The following H6PD variants were observed in gnomAD, a reference collection of about 807,000 sequenced individuals.
The protein encoded by H6PD is GDH/6PGL endoplasmic bifunctional protein.
A neutral mutation model predicts 61.2 loss-of-function variants in H6PD; 48 were observed. The observed-to-expected ratio is 0.78, with a 90% confidence interval of 0.62 to 1.00. The LOEUF is 1.00. H6PD is among the 50% of genes least tolerant of loss of function. The probability of loss-of-function intolerance (pLI) is 0.00; values close to 1 mark genes in which losing one functional copy is unlikely to be tolerated. For missense variants in H6PD, 1,093 were observed against 1,065.0 expected (o/e 1.03, Z -0.37); for synonymous variants, 480 against 457.9 (o/e 1.05, Z -0.62).
Position 9,245,710 on chromosome 1 carries a change from G to T in H6PD, c.627+149G>T. ...GTCTCCTTGAAGGTGGGCAGGAGGC[G>T]AGCGGGTAAAGGAAAGACAGCAGCA... On this transcript the variant is annotated intron_variant, in intron 2 of 4. Coordinates refer to ENST00000377403, the MANE Select transcript of H6PD (RefSeq NM_004285.4). This position sits in a 1 kb window ranked among gnomAD's most constrained non-coding sequence, Gnocchi z 4.8. 1 of 803,604 alleles carries T rather than the reference G, an allele frequency of 1.2e-6. No individual in the cohort carries two copies. Among genetic ancestry groups the T allele is most frequent in the Non-Finnish European group, 2.1e-6 (1 of 475,686 alleles). The allele number at this position is 803,604 out of a possible 1,614,324, so 49.8% of individuals were successfully genotyped here.
intron 1 of H6PD, among the ~76,000 whole-genome samples, chr1:9,240,335 TTC>T (rs1323051971): frequency 1.3e-5 from 2 of 152,190 alleles, no homozygotes. Flanking sequence ...CATATTTTAG[TTC>T]TCTGTTTCCC....
chr1:9,238,647 C>T (rs1376146412), intron 1 of H6PD, among the ~76,000 whole-genome samples: 3 of 152,196 alleles, frequency 2.0e-5, no homozygotes. Context: ...ACATTGGAAG[C>T]AGATTGGGAG....
At chr1:9,240,463 C>T (rs951984273) in intron 1 of H6PD, among the ~76,000 whole-genome samples, 1 of 152,116 alleles carries the variant, frequency 6.6e-6, no homozygotes, top group South Asian at 2.1e-4. Context: ...GACTTAGGGA[C>T]ACTAAAAGAT....
Position 9,263,988 on chromosome 1 carries a change from C to A in H6PD, c.1495C>A (p.Arg499Ser). The A allele has an allele frequency of 6.2e-7, 1 of 1,614,238 alleles. No homozygotes were observed. The highest frequency in any genetic ancestry group is 8.5e-7 in the Non-Finnish European group (1 of 1,180,042). ...GGAGAGCCTGGCCCATAAGGCCCCA[C>A]GCCTCTACCCTGGAGGAGCTGAGAA... ...LLESLAHKAP[R>S]LYPGGAENGR... Residue 499 changes from arginine (R) to serine (S), a missense_variant, in exon 5 of 5, where the codon CGC becomes AGC. Physicochemically the swap from Arg to Ser is moderately radical, Grantham distance 110 (BLOSUM62 -1). Transcript: ENST00000377403.
intron 3 of H6PD, among the ~76,000 whole-genome samples, chr1:9,257,997 G>A (rs897393062): frequency 1.4e-4 from 21 of 152,384 alleles, no homozygotes; most frequent in African/African-American, 2.4e-4. Context: ...GGAGTGGAGC[G>A]GAGCTCGTGG....
chr1:9,237,998 A>T (rs1640898358), intron 1 of H6PD, among the ~76,000 whole-genome samples: 1 of 152,216 alleles, frequency 6.6e-6, no homozygotes, highest in Admixed American at 6.5e-5. Context: ...GGCAAAATGA[A>T]TGTAATTATC....
chr1:9,247,197 C>A, intron 3 of H6PD, 114 bp downstream of exon 3: 3 of 785,934 alleles, frequency 3.8e-6, no homozygotes, highest in Non-Finnish European at 4.5e-6. Flanking sequence ...GGTCTCCCTT[C>A]GAGCCTGCCG....
rs149317949 is a variant in H6PD at position 9,247,881 on chromosome 1, G to A, written c.745+798G>A. 7.5e-3 allele frequency among the ~76,000 whole-genome samples: 1,139 copies of A among 152,354 alleles called. 12 individuals carry two copies. Among genetic ancestry groups the A allele is most frequent in the African/African-American group, 0.026 (1,076 of 41,586 alleles). Reference sequence around the variant, plus strand: ...GTAGCAAAGTTTTGGAGCATTGACCGTGAAGATGTAAAGCACTGGCTCTTG... The same window carrying A: ...GTAGCAAAGTTTTGGAGCATTGACCATGAAGATGTAAAGCACTGGCTCTTG... On this transcript the variant is annotated intron_variant, in intron 3 of 4. Coordinates refer to ENST00000377403, the MANE Select transcript of H6PD (RefSeq NM_004285.4).
At chr1:9,262,606 C>G (rs531834637) in intron 4 of H6PD, among the ~76,000 whole-genome samples, 1 of 152,206 alleles carries the variant, frequency 6.6e-6, no homozygotes, top group Non-Finnish European at 1.5e-5. Context: ...GTTTGTCGTG[C>G]GAGGCTCAGA....
At chr1:9,244,528 T>G (rs1641101021) in intron 1 of H6PD, among the ~76,000 whole-genome samples, 1 of 152,200 alleles carries the variant, frequency 6.6e-6, no homozygotes, top group Non-Finnish European at 1.5e-5. Context: ...CCACTATACC[T>G]AGGCTGGGGC....
At chr1:9,258,212 G>T (rs1001138594) in intron 3 of H6PD, among the ~76,000 whole-genome samples, 1 of 152,180 alleles carries the variant, frequency 6.6e-6, no homozygotes, top group Admixed American at 6.5e-5. Context: ...CGCCAGTGTT[G>T]TTATGTTGCT....
In H6PD at chr1:9,264,713, G is replaced by C. The variant is rs1281731936; in HGVS notation, c.2220G>C (p.Lys740Asn). Residue 740 changes from lysine (K) to asparagine (N), a missense_variant, in exon 5 of 5, where the codon AAG becomes AAC. Transcript: ENST00000377403. ...GCCTGCCTCTCATCAACCGCGCCAAGAAGGTGGCAGTCCTGGTCATGGGCA... is the reference window on the plus strand; with the variant it reads ...GCCTGCCTCTCATCAACCGCGCCAACAAGGTGGCAGTCCTGGTCATGGGCA... ...SLSLPLINRA[K>N]KVAVLVMGRM... 11 of 1,613,394 alleles carry C rather than the reference G, an allele frequency of 6.8e-6. No individual in the cohort carries two copies. Among genetic ancestry groups the C allele is most frequent in the Non-Finnish European group, 9.3e-6 (11 of 1,180,030 alleles).
At chr1:9,256,810 A>G (rs2100366899) in intron 3 of H6PD, among the ~76,000 whole-genome samples, 1 of 152,290 alleles carries the variant, frequency 6.6e-6, no homozygotes, top group African/African-American at 2.4e-5. Flanking sequence ...GTCCCTCCCC[A>G]CGTTCTGACC....
At chr1:9,239,746 A>C in intron 1 of H6PD, 1 of 370,272 alleles carries the variant, frequency 2.7e-6, no homozygotes, top group Non-Finnish European at 4.8e-6. Context: ...GGGAAAGGGA[A>C]CAGGGCAGCA....
intron 3 of H6PD, among the ~76,000 whole-genome samples, chr1:9,257,728 C>T (rs1329352491): frequency 6.6e-6 from 1 of 152,236 alleles, no homozygotes; most frequent in African/African-American, 2.4e-5. Context: ...CTCCTAGAAG[C>T]TGAGCCCTTA....
intron 3 of H6PD, among the ~76,000 whole-genome samples, chr1:9,261,421 T>C (rs1386099497): frequency 6.6e-6 from 1 of 151,894 alleles, no homozygotes; most frequent in African/African-American, 2.4e-5. Flanking sequence ...CGAGGCTGGC[T>C]CTTCAGGTCT....
intron 1 of H6PD, among the ~76,000 whole-genome samples, chr1:9,241,822 A>C (rs917047502): frequency 6.6e-6 from 1 of 152,198 alleles, no homozygotes; most frequent in Non-Finnish European, 1.5e-5. Context: ...CTGAGGGTCC[A>C]GGCTTTGTGG....
At chr1:9,251,542 G>A (rs923783887) in intron 3 of H6PD, among the ~76,000 whole-genome samples, 3 of 152,204 alleles carry the variant, frequency 2.0e-5, no homozygotes, top group Non-Finnish European at 4.4e-5. Context: ...ATGGGGGAAA[G>A]GAGCCTGATG....
chr1:9,268,963 C>A lies in H6PD; in HGVS notation c.*4094C>A, dbSNP rs1256220187. On this transcript the variant is annotated 3_prime_UTR_variant, in exon 5 of 5. Coordinates refer to ENST00000377403, the MANE Select transcript of H6PD (RefSeq NM_004285.4). ...GTCCTGTAAGATATATGCAGCCTCA[C>A]AGAAGCAGCCTCTGCCTCCACTTTA... The A allele has an allele frequency of 6.6e-6, 1 of 152,160 alleles. No individual in the cohort carries two copies. Among genetic ancestry groups the A allele is most frequent in the Non-Finnish European group, 1.5e-5 (1 of 68,036 alleles). 9.4% of individuals were successfully genotyped at this position (152,160 alleles called of 1,614,324 possible). A position where few individuals can be genotyped will look rare whatever the true frequency, so the allele number is the denominator to read the frequency against.
Sources: allele counts gnomAD v4.1 joint callset (sites outside exome capture counted in the v4.1 genomes callset), GRCh38; gene constraint gnomAD v4.1.1; non-coding constraint Gnocchi (gnomAD v3.1); transcripts MANE v1.5; gene names NCBI Gene and HGNC (gene_info 2026-07-23, HGNC 2026-07-21).